AATK: variants seen among roughly 807,000 people sequenced by gnomAD.
AATK encodes the protein lemur tail kinase 1.
AATK carries 91 observed loss-of-function variants against 114.3 expected under a neutral mutation model. The ratio of observed to expected loss-of-function variants is 0.80; its 90% CI spans 0.67 to 0.95. AATK has a LOEUF of 0.95. Among genes scored for constraint, AATK ranks in the 40% least tolerant of loss-of-function variants. The pLI is 0.00. For synonymous variants in AATK, 1,075 were observed against 916.5 expected, an observed-to-expected ratio of 1.17 and a Z score of -3.12; for missense variants, 2,176 against 1,965.2, an observed-to-expected ratio of 1.11 and a Z score of -2.03.
chr17:81,135,285 C>T (rs2060993029), intron 1 of AATK, among the ~76,000 whole-genome samples: 1 of 152,196 alleles, frequency 6.6e-6, no homozygotes, highest in African/African-American at 2.4e-5. Context: ...GAAGCTCGGT[C>T]CATCTGCTGC....
chr17:81,131,909 C>T (rs375500605), intron 2 of AATK: 23 of 1,339,038 alleles, frequency 1.7e-5, no homozygotes, highest in African/African-American at 1.6e-4. Flanking sequence ...CACCTGCCAC[C>T]GCCATCTGCC....
rs370983668 is a variant in AATK, at chr17:81,131,220, G to C, written c.190-15C>G. On this transcript the variant is annotated splice_polypyrimidine_tract_variant and intron_variant, in intron 2 of 13. Transcript: ENST00000326724. The stretch of plus-strand genomic sequence containing the variant: ...TTCTCAAACTCCTGCGGGCCGGGCC[G>C]GGCATGAGCGGGGCTTCTCGCAGGT... The C allele has an allele frequency of 1.3e-6, 2 of 1,560,734 alleles. No homozygotes were observed. The highest frequency in any genetic ancestry group is 1.2e-5 in the South Asian group (1 of 85,422).
chr17:81,146,199 A>AG (rs1555598999), intron 1 of AATK, among the ~76,000 whole-genome samples: 1 of 151,084 alleles, frequency 6.6e-6, no homozygotes, highest in East Asian at 1.9e-4. Context: ...AAAAAAAAAA[A>AG]AAAAAGAAAA....
At chr17:81,130,407 C>T (rs1414422666) in intron 3 of AATK, among the ~76,000 whole-genome samples, 1 of 152,166 alleles carries the variant, frequency 6.6e-6, no homozygotes, top group Admixed American at 6.5e-5. Context: ...CACGTCCGCC[C>T]CATGTGAGTG....
intron 13 of AATK, 83 bp from the exon 14 acceptor site, chr17:81,118,525 C>T: frequency 6.9e-7 from 1 of 1,457,092 alleles, no homozygotes; most frequent in African/African-American, 1.4e-5. Context: ...GGCCTCCATC[C>T]CTGGCCCACA....
At chr17:81,160,553 A>AG (rs1363184380) in intron 1 of AATK, among the ~76,000 whole-genome samples, 1 of 152,234 alleles carries the variant, frequency 6.6e-6, no homozygotes, top group Admixed American at 6.5e-5. Context: ...GGCAAGGCCC[A>AG]GGGGGGCCCA....
At chr17:81,128,963 C>T in intron 3 of AATK, 1 of 1,057,078 alleles carries the variant, frequency 9.5e-7, no homozygotes, top group Non-Finnish European at 1.2e-6. Flanking sequence ...GGCTGGCATC[C>T]CACGCCGGGC....
At chr17:81,150,538 CCAGAA>C (rs2061281653) in intron 1 of AATK, among the ~76,000 whole-genome samples, 1 of 151,982 alleles carries the variant, frequency 6.6e-6, no homozygotes, top group Admixed American at 6.6e-5. Context: ...CCAGATCCTC[CCAGAA>C]CAGGGACTGT....
Position 81,120,070 on chromosome 17 carries a change from C to G in AATK, c.3749G>C (p.Arg1250Pro). 2 of 1,458,992 alleles carry G rather than the reference C, an allele frequency of 1.4e-6. No homozygotes were observed. 90.4% of individuals were successfully genotyped at this position (1,458,992 alleles called of 1,614,324 possible). Reference protein sequence around the residue: ...VYLFDQESPTRELGEPFPGAK... With the variant: ...VYLFDQESPTPELGEPFPGAK... ...GCCCGGGAAGGGCTCCCCGAGCTCC[C>G]GGGTGGGGCTTTCCTGGAGGAATCA... Residue 1250 changes from arginine (R) to proline (P), a missense_variant, in exon 12 of 14, where the codon CGG (arginine) becomes CCG (proline). Physicochemically the swap from Arg to Pro is moderately radical, Grantham distance 103. This residue lies in a region of AATK where 1,701 missense variants were observed against 1,394.7 expected (regional missense o/e 1.22). Coordinates refer to ENST00000326724, the MANE Select transcript of AATK (RefSeq NM_001080395.3).
chr17:81,143,456 C>T (rs990877627), intron 1 of AATK, among the ~76,000 whole-genome samples: 17 of 119,792 alleles, frequency 1.4e-4, no homozygotes, highest in African/African-American at 5.9e-4. Flanking sequence ...TGGGGCCATG[C>T]AGCCCCCACC....
At position 81,124,822 on chromosome 17, in the gene AATK, C is replaced by G; in HGVS notation, c.867G>C (p.Gln289His). ...YREDYFVTAD[Q>H]LWVPLRWIAP... ...CGATCCAGCGCAGAGGCACCCACAG[C>G]TGGTCGGCAGTCACGAAGTAGTCCT... is the stretch of plus-strand genomic sequence containing the variant. Residue 289 changes from glutamine to histidine, a missense_variant, in exon 9 of 14, where the codon CAG becomes CAC. Gln to His is a conservative substitution (Grantham distance 24). This residue lies in a region of AATK where 273 missense variants were observed against 344.1 expected (regional missense o/e 0.79). Transcript: ENST00000326724. 1 of 1,612,052 alleles carries G rather than the reference C, an allele frequency of 6.2e-7. No homozygotes were observed. Among genetic ancestry groups the G allele is most frequent in the South Asian group, 1.1e-5 (1 of 90,972 alleles).
rs2060577232 is a variant in AATK, at chr17:81,117,404, A to T, written c.*998T>A. 1 of 152,322 alleles carries T rather than the reference A, an allele frequency of 6.6e-6. No homozygotes were observed. The highest frequency in any genetic ancestry group is 1.5e-5 in the Non-Finnish European group (1 of 68,058). The allele number at this position is 152,322 out of a possible 1,614,324, so 9.4% of individuals were successfully genotyped here. A position where few individuals can be genotyped will look rare whatever the true frequency, so the allele number is the denominator to read the frequency against. On this transcript the variant is annotated 3_prime_UTR_variant, in exon 14 of 14. Transcript: ENST00000326724. ...AAAACAAATCCCCCTGCGAAGCAAC[A>T]ATAAACTTTACATCTCTTTGGCAAC...
chr17:81,156,647 T>C lies in AATK; in HGVS notation c.55+9291A>G, dbSNP rs192527533. Reference sequence around the variant, plus strand: ...CTCCTGACCTGGTGATCCGCCTGCCTTGGCCTCCCAAAGTGCTGGGATTAC... The same window carrying C: ...CTCCTGACCTGGTGATCCGCCTGCCCTGGCCTCCCAAAGTGCTGGGATTAC... On this transcript the variant is annotated intron_variant, in intron 1 of 13. Transcript: ENST00000326724. Among the ~76,000 whole-genome samples the C allele has an allele frequency of 4.0e-3, 615 of 152,356 alleles. 1 individual carries two copies. Among genetic ancestry groups the C allele is most frequent in the Non-Finnish European group, 6.4e-3 (438 of 68,024 alleles).
At chr17:81,139,585 G>C (rs1421646109) in intron 1 of AATK, among the ~76,000 whole-genome samples, 1 of 145,066 alleles carries the variant, frequency 6.9e-6, no homozygotes, top group Non-Finnish European at 1.5e-5. Context: ...CGGCCCCCAG[G>C]CTCTTCCAAG....
chr17:81,138,486 T>C (rs1002631137), intron 1 of AATK, among the ~76,000 whole-genome samples: 5 of 137,558 alleles, frequency 3.6e-5, no homozygotes, highest in East Asian at 2.3e-4. Flanking sequence ...CACACATGCA[T>C]GCACACACAC....
chr17:81,141,178 C>T (rs1481729245), intron 1 of AATK, among the ~76,000 whole-genome samples: 3 of 152,166 alleles, frequency 2.0e-5, no homozygotes, highest in Non-Finnish European at 2.9e-5. Flanking sequence ...CGGCCGGGCG[C>T]GGTGGCTCAC....
intron 1 of AATK, among the ~76,000 whole-genome samples, chr17:81,152,774 A>T (rs530590686): frequency 1.3e-5 from 2 of 152,328 alleles, no homozygotes; most frequent in Admixed American, 1.3e-4. Context: ...TTTAGTATTA[A>T]ATCTAACAGA....
chr17:81,140,594 G>T (rs879379654), intron 1 of AATK, among the ~76,000 whole-genome samples: 37 of 148,268 alleles, frequency 2.5e-4, no homozygotes, highest in Non-Finnish European at 4.7e-4. Flanking sequence ...GTCTTTGGAT[G>T]AGGGAGGCAG....
intron 12 of AATK, 23 bp from the exon 13 acceptor site, chr17:81,119,603 A>G: frequency 6.5e-7 from 1 of 1,538,290 alleles, no homozygotes; most frequent in Non-Finnish European, 8.7e-7. Context: ...TCGCGGCGTC[A>G]CTCGCGCTCA....
Sources: gnomAD v4.1 joint callset for allele counts (sites outside exome capture counted in the v4.1 genomes callset) on GRCh38, gnomAD v4.1.1 for gene constraint, gnomAD v4.1.1 regional missense constraint, MANE v1.5 for transcripts, NCBI Gene and HGNC (gene_info 2026-07-23, HGNC 2026-07-21) for gene names.